Variants in AP1B1 observed in about 807,000 individuals in gnomAD.
AP1B1 encodes AP-1 complex subunit beta-1.
A neutral mutation model predicts 104.3 loss-of-function variants in AP1B1; 36 were observed. That is an observed-to-expected ratio of 0.35 (90% CI 0.26 to 0.46). AP1B1 has a LOEUF of 0.46. Ranked by LOEUF, AP1B1 falls within the 20% of genes least tolerant of loss-of-function variation. The probability of loss-of-function intolerance (pLI) is 1.00; values close to 1 mark genes in which losing one functional copy is unlikely to be tolerated. For missense variants in AP1B1, 901 were observed against 1,247.9 expected, an observed-to-expected ratio of 0.72 and a Z score of 4.19; for synonymous variants, 504 against 517.5, an observed-to-expected ratio of 0.97 and a Z score of 0.35.
chr22:29,342,553 G>A (rs1348470137), intron 11 of AP1B1, among the ~76,000 whole-genome samples, 170 bp from the exon 12 acceptor site: 3 of 152,238 alleles, frequency 2.0e-5, no homozygotes, highest in Non-Finnish European at 4.4e-5. Context: ...CACAAGTGTT[G>A]GTGCCGCTGA....
At chr22:29,379,283 C>T (rs990078438) in intron 1 of AP1B1, among the ~76,000 whole-genome samples, 2 of 152,092 alleles carry the variant, frequency 1.3e-5, no homozygotes, top group East Asian at 1.9e-4. Context: ...AACCTGAAAT[C>T]GCACCACTGC....
intron 6 of AP1B1, among the ~76,000 whole-genome samples, chr22:29,355,325 T>A (rs1275197677): frequency 3.3e-5 from 5 of 151,438 alleles, no homozygotes; most frequent in Non-Finnish European, 7.4e-5. Flanking sequence ...CTGAGTATGG[T>A]GGTGCATGCC....
chr22:29,387,079 A>T (rs771706102), intron 1 of AP1B1, among the ~76,000 whole-genome samples: 5 of 152,210 alleles, frequency 3.3e-5, no homozygotes, highest in Non-Finnish European at 5.9e-5. Context: ...GAAGTTCTCG[A>T]CAATCTTCAA....
chr22:29,327,978 C>G lies in AP1B1; in HGVS notation c.*843G>C, dbSNP rs992525496. On this transcript the variant is annotated 3_prime_UTR_variant, in exon 23 of 23. Coordinates refer to ENST00000357586, the MANE Select transcript of AP1B1 (RefSeq NM_001127.4). ...GGCAGCAGACACTACAGAGAAACCC[C>G]GAAGAAACCCAAACAGGAGGCGCAC... The G allele has an allele frequency of 1.3e-5, 2 of 152,752 alleles. No individual in the cohort carries two copies. The highest frequency in any genetic ancestry group is 2.9e-5 in the Non-Finnish European group (2 of 68,162). 9.5% of individuals were successfully genotyped at this position (152,752 alleles called of 1,614,324 possible).
intron 15 of AP1B1, 96 bp downstream of exon 15, chr22:29,339,658 C>G: frequency 7.4e-7 from 1 of 1,349,464 alleles, no homozygotes. Context: ...GTGGAGGCTG[C>G]TGTGACATCA....
chr22:29,359,041 C>A, intron 4 of AP1B1, 70 bp from the exon 5 acceptor site: 2 of 1,468,736 alleles, frequency 1.4e-6, no homozygotes, highest in South Asian at 2.6e-5. Flanking sequence ...TTCTCCCTGG[C>A]CTGCAGCTCT....
chr22:29,358,624 G>A (rs1010656076), intron 5 of AP1B1, 102 bp downstream of exon 5: 4 of 1,468,114 alleles, frequency 2.7e-6, no homozygotes, highest in African/African-American at 1.4e-5. Flanking sequence ...GCCAGGCTCC[G>A]ACTTCTAGGT....
At chr22:29,346,797 G>A (rs1022659252) in intron 11 of AP1B1, among the ~76,000 whole-genome samples, 2 of 152,168 alleles carry the variant, frequency 1.3e-5, no homozygotes, top group Middle Eastern at 3.2e-3. Context: ...GTGGCAGTGG[G>A]GGGGGGTGAC....
rs2061705761 is a variant in AP1B1 at position 29,340,952 on chromosome 22, C to T, written c.1797-95G>A. 6.4e-6 allele frequency: 8 copies of T among 1,257,456 alleles called. 1 individual carries two copies. The allele number at this position is 1,257,456 out of a possible 1,614,324, so 77.9% of individuals were successfully genotyped here. A position where few individuals can be genotyped will look rare whatever the true frequency, so the allele number is the denominator to read the frequency against. ...AGGCAGAGCTGTCCCCCAGGACAGGCACTGAGTCTCCTCACTGTCCCCGAC... is the reference window on the plus strand; with the variant it reads ...AGGCAGAGCTGTCCCCCAGGACAGGTACTGAGTCTCCTCACTGTCCCCGAC... On this transcript the variant is annotated intron_variant, in intron 13 of 22. Coordinates refer to ENST00000357586, the MANE Select transcript of AP1B1 (RefSeq NM_001127.4).
At chr22:29,355,023 G>A in intron 6 of AP1B1, 152 bp from the exon 7 acceptor site, 1 of 650,908 alleles carries the variant, frequency 1.5e-6, no homozygotes. Context: ...ATCACTTGAG[G>A]TCAGGAGTTT....
chr22:29,356,303 G>A, intron 6 of AP1B1, 123 bp downstream of exon 6: 6 of 1,024,610 alleles, frequency 5.9e-6, no homozygotes, highest in East Asian at 2.6e-5. Flanking sequence ...TGTGTCTGAG[G>A]GTGGGTTATG....
chr22:29,330,261 T>C, intron 21 of AP1B1, 117 bp downstream of exon 21: 1 of 1,530,618 alleles, frequency 6.5e-7, no homozygotes, highest in East Asian at 2.4e-5. Flanking sequence ...ACCAAACTGA[T>C]TCTAGTTCAA....
At chr22:29,387,905 T>A (rs943979757) in intron 1 of AP1B1, among the ~76,000 whole-genome samples, 1 of 152,346 alleles carries the variant, frequency 6.6e-6, no homozygotes, top group South Asian at 2.1e-4. Context: ...CCTCGTTATT[T>A]TGCAGCATTA....
At position 29,340,703 on chromosome 22, in the gene AP1B1, C is replaced by T. The variant is rs372483328; in HGVS notation, c.1951G>A (p.Val651Met). ...AGAAGGTCCACAGCTCCCATCTGCA[C>T]CGAGGAGGTGGCCAGGGGTGGGCCG... is the stretch of plus-strand genomic sequence containing the variant. ...VSGPPLATSS[V>M]QMGAVDLLGG... is the part of the protein sequence containing the mutation. The change falls in exon 14 of 23, where the codon GTG becomes ATG. Residue 651 changes from valine (V) to methionine (M), a missense_variant. By Grantham distance (21) the Val-to-Met change is conservative. Transcript: ENST00000357586. 3.6e-5 allele frequency: 57 copies of T among 1,585,630 alleles called. No homozygotes were observed. The highest frequency in any genetic ancestry group is 1.3e-5 in the African/African-American group (1 of 74,594).
intron 16 of AP1B1, among the ~76,000 whole-genome samples, chr22:29,335,942 T>C (rs1469075363): frequency 6.6e-6 from 1 of 152,164 alleles, no homozygotes; most frequent in Non-Finnish European, 1.5e-5. Flanking sequence ...GGCTCTCTCA[T>C]GGACAACTCT....
rs199898148 is a variant in AP1B1, at chr22:29,328,814, C to T, written c.*7G>A. ...GCAGAAGGCTGGGGTGGGCGCTGGC[C>T]GGGGTCTCAGTTCTTGAGGATGGTC... On this transcript the variant is annotated 3_prime_UTR_variant, in exon 23 of 23. Coordinates refer to ENST00000357586, the MANE Select transcript of AP1B1 (RefSeq NM_001127.4). The surrounding 1 kb of genome is among the most constrained non-coding windows in gnomAD (Gnocchi z 4.1). 999 of 1,603,022 alleles carry T rather than the reference C, an allele frequency of 6.2e-4. 1 individual carries two copies. Among genetic ancestry groups the T allele is most frequent in the Non-Finnish European group, 7.2e-4 (845 of 1,177,078 alleles).
intron 1 of AP1B1, among the ~76,000 whole-genome samples, chr22:29,376,806 A>T (rs933366880): frequency 1.3e-5 from 2 of 152,186 alleles, no homozygotes; most frequent in African/African-American, 4.8e-5. Context: ...ACTCTGTGCC[A>T]TGCCCTGGAC....
intron 3 of AP1B1, 126 bp from the exon 4 acceptor site, chr22:29,360,085 TG>T (rs2062021503): frequency 9.5e-7 from 1 of 1,048,696 alleles, no homozygotes; most frequent in African/African-American, 1.6e-5. Context: ...CTGGACTTCC[TG>T]GTAAAAGGGA....
At chr22:29,349,026 T>G (rs1179749158) in intron 11 of AP1B1, among the ~76,000 whole-genome samples, 192 bp downstream of exon 11, 1 of 152,154 alleles carries the variant, frequency 6.6e-6, no homozygotes, top group Non-Finnish European at 1.5e-5. Flanking sequence ...CACCACAGAC[T>G]CTCACGTGTC....
Sources: allele counts gnomAD v4.1 joint callset (sites outside exome capture counted in the v4.1 genomes callset), GRCh38; gene constraint gnomAD v4.1.1; non-coding constraint Gnocchi (gnomAD v3.1); transcripts MANE v1.5; gene names NCBI Gene and HGNC (gene_info 2026-07-23, HGNC 2026-07-21).